Variants in PARP12 observed in about 807,000 individuals in gnomAD.
PARP12 encodes protein mono-ADP-ribosyltransferase PARP12.
In PARP12, 59 loss-of-function variants were observed where a neutral mutation model predicts 72.4. The ratio of observed to expected loss-of-function variants is 0.81; its 90% confidence interval spans 0.66 to 1.01. PARP12 has a LOEUF of 1.01. Among genes scored for constraint, PARP12 ranks in the 50% least tolerant of loss-of-function variants. The probability of loss-of-function intolerance (pLI) is 0.00; values close to 1 mark genes in which losing one functional copy is unlikely to be tolerated. For missense variants in PARP12, 851 were observed against 914.0 expected (o/e 0.93, Z 0.89); for synonymous variants, 403 against 371.4 (o/e 1.09, Z -0.98).
chr7:140,056,208 T>G (rs533291656), intron 3 of PARP12, among the ~76,000 whole-genome samples: 3 of 152,358 alleles, frequency 2.0e-5, no homozygotes, highest in African/African-American at 7.2e-5. Context: ...AAATCTCTGT[T>G]CAAAATCTGC....
chr7:140,047,380 C>T (rs1426671598), intron 4 of PARP12, among the ~76,000 whole-genome samples: 2 of 152,158 alleles, frequency 1.3e-5, no homozygotes, highest in Non-Finnish European at 2.9e-5. Flanking sequence ...GAGACCTGAG[C>T]TAGCATGGTC....
chr7:140,057,485 C>T (rs998062125), intron 2 of PARP12: 5 of 385,038 alleles, frequency 1.3e-5, no homozygotes, highest in African/African-American at 6.4e-5. Context: ...TACCTATACT[C>T]TTCCCACACT....
At chr7:140,060,786 C>T (rs967920889) in intron 1 of PARP12, among the ~76,000 whole-genome samples, 2 of 152,184 alleles carry the variant, frequency 1.3e-5, no homozygotes, top group Non-Finnish European at 2.9e-5. Context: ...CTGATTTCCC[C>T]AGAGTTCCAC....
intron 7 of PARP12, among the ~76,000 whole-genome samples, chr7:140,036,284 T>C (rs1367144609): frequency 2.6e-5 from 4 of 152,240 alleles, no homozygotes; most frequent in Admixed American, 2.0e-4. Flanking sequence ...ATATTCCAGA[T>C]TGCTGTCAGC....
chr7:140,034,232 T>C lies in PARP12; in HGVS notation c.1421+3A>G. Reference sequence around the variant, plus strand: ...AAGTACCAAGCCCCCCACTGCAACCTACCAGGTTTGCATGGTCGTCACATC... The same window carrying C: ...AAGTACCAAGCCCCCCACTGCAACCCACCAGGTTTGCATGGTCGTCACATC... On this transcript the variant is annotated splice_donor_region_variant and intron_variant, in intron 8 of 11. Coordinates refer to ENST00000263549, the MANE Select transcript of PARP12 (RefSeq NM_022750.4). The C allele has an allele frequency of 6.2e-7, 1 of 1,611,692 alleles. No homozygotes were observed. The highest frequency in any genetic ancestry group is 8.5e-7 in the Non-Finnish European group (1 of 1,178,448).
At position 140,062,941 on chromosome 7, in the gene PARP12, C is replaced by G; in HGVS notation, c.-94G>C. 1 of 1,035,872 alleles carries G rather than the reference C, an allele frequency of 9.7e-7. No individual in the cohort carries two copies. Among genetic ancestry groups the G allele is most frequent in the Non-Finnish European group, 1.2e-6 (1 of 825,628 alleles). The allele number at this position is 1,035,872 out of a possible 1,614,324, so 64.2% of individuals were successfully genotyped here. A position where few individuals can be genotyped will look rare whatever the true frequency, so the allele number is the denominator to read the frequency against. On this transcript the variant is annotated 5_prime_UTR_variant, in exon 1 of 12. Transcript: ENST00000263549. ...GGCGGCTCTCGCAGGGTGGAGACGC[C>G]GGCGGGAAACGAAACCGAAAGCGGC...
intron 8 of PARP12, among the ~76,000 whole-genome samples, chr7:140,031,392 A>C (rs1020691749): frequency 9.2e-5 from 14 of 152,146 alleles, no homozygotes; most frequent in African/African-American, 2.2e-4. Context: ...TAAATAAATA[A>C]ATACATAAAT....
At chr7:140,034,796 A>C (rs1472371699) in intron 7 of PARP12, 1 of 155,538 alleles carries the variant, frequency 6.4e-6, no homozygotes, top group Non-Finnish European at 1.4e-5. Flanking sequence ...TCTTTAATAA[A>C]CAAATTTCTT....
At chr7:140,026,585 C>T (rs766382596) in intron 10 of PARP12, among the ~76,000 whole-genome samples, 9 of 152,154 alleles carry the variant, frequency 5.9e-5, no homozygotes, top group Non-Finnish European at 1.0e-4. Flanking sequence ...CAGACAGCAG[C>T]GGTTCCCTGG....
chr7:140,054,856 G>A (rs1392402389), intron 3 of PARP12, 93 bp from the exon 4 acceptor site: 2 of 1,073,754 alleles, frequency 1.9e-6, no homozygotes, highest in Non-Finnish European at 2.8e-6. Context: ...CACAAAAGTG[G>A]GCAACGCAAG....
At position 140,062,521 on chromosome 7, in the gene PARP12, C is replaced by T; in HGVS notation, c.326+1G>A. ...CCGTCGCTCCCGGCGCGGCGCCTTA[C>T]CCGGCTCTCAGGAACTTGCAGGCGC... On this transcript the variant is annotated splice_donor_variant, in intron 1 of 11. Transcript: ENST00000263549. LOFTEE classifies it high-confidence loss of function. 2 of 1,546,446 alleles carry T rather than the reference C, an allele frequency of 1.3e-6. No homozygotes were observed.
chr7:140,056,725 AT>A (rs1433264405), intron 3 of PARP12, 130 bp downstream of exon 3: 20 of 953,556 alleles, frequency 2.1e-5, no homozygotes, highest in Non-Finnish European at 3.1e-5. Context: ...CATCAACTCC[AT>A]TTTACTAAAA....
intron 4 of PARP12, among the ~76,000 whole-genome samples, chr7:140,052,062 G>C (rs1816985646): frequency 6.6e-6 from 1 of 152,178 alleles, no homozygotes; most frequent in South Asian, 2.1e-4. Flanking sequence ...TTGTCTCCAG[G>C]ATCCTACTGG....
rs145023463 is a variant in PARP12, at chr7:140,026,309, G to A, written c.1668C>T (p.Ala556=). 195 of 1,612,942 alleles carry A rather than the reference G, an allele frequency of 1.2e-4. No individual in the cohort carries two copies. The African/African-American group carries it at 1.8e-3, about 15-fold the overall frequency. The stretch of plus-strand genomic sequence containing the variant: ...CGTGGAACAGCTGCCGCTCGTCCAC[G>A]GCCTTCCCTCCGTTCTGCTTCTGCA... ...GQMQKQNGGK[A]VDERQLFHGT... The change falls in exon 11 of 12, where the codon GCC becomes GCT. Residue 556 remains alanine (A), a synonymous_variant. Coordinates refer to ENST00000263549, the MANE Select transcript of PARP12 (RefSeq NM_022750.4).
At chr7:140,037,986 G>C in intron 6 of PARP12, 130 bp from the exon 7 acceptor site, 1 of 1,458,744 alleles carries the variant, frequency 6.9e-7, no homozygotes, top group Non-Finnish European at 9.0e-7. Flanking sequence ...ATGGAGGCCA[G>C]GGAGCATGGT....
At chr7:140,062,477 C>A (rs555315789) in intron 1 of PARP12, 45 bp downstream of exon 1, 1 of 1,495,204 alleles carries the variant, frequency 6.7e-7, no homozygotes, top group Non-Finnish European at 8.9e-7. Context: ...TGCGTGAGGG[C>A]GCGCAGGACC....
At chr7:140,027,163 G>C (rs1815768855) in intron 10 of PARP12, 113 bp downstream of exon 10, 1 of 1,407,808 alleles carries the variant, frequency 7.1e-7, no homozygotes, top group South Asian at 1.3e-5. Context: ...CCCAGCACAT[G>C]GCAGCCCTAA....
chr7:140,060,313 G>C (rs1327411646), intron 1 of PARP12, among the ~76,000 whole-genome samples: 1 of 152,184 alleles, frequency 6.6e-6, no homozygotes, highest in Non-Finnish European at 1.5e-5. Context: ...AGGACTAAGA[G>C]TCAGGCACCC....
At position 140,034,009 on chromosome 7, in the gene PARP12, G is replaced by T. The variant is rs1044469832; in HGVS notation, c.1421+226C>A. ...CTGTCTTCTCCAGAGAATCATCGCA[G>T]ATCACAACAGGCAGCCTTCTAATTA... On this transcript the variant is annotated intron_variant, in intron 8 of 11. Coordinates refer to ENST00000263549, the MANE Select transcript of PARP12 (RefSeq NM_022750.4). 2.6e-5 allele frequency: 30 copies of T among 1,157,476 alleles called. No individual in the cohort carries two copies. In the African/African-American group the frequency reaches 4.4e-4, roughly 17 times the overall value. 71.7% of individuals were successfully genotyped at this position (1,157,476 alleles called of 1,614,324 possible).
Sources: allele counts gnomAD v4.1 joint callset (sites outside exome capture counted in the v4.1 genomes callset), GRCh38; gene constraint gnomAD v4.1.1; transcripts MANE v1.5; gene names NCBI Gene and HGNC (gene_info 2026-07-23, HGNC 2026-07-21).